Variants in SUSD1 observed in about 807,000 individuals in gnomAD.
The protein encoded by SUSD1 is sushi domain containing 1.
SUSD1 carries 65 observed loss-of-function variants against 86.9 expected under a neutral mutation model. That is an observed-to-expected ratio of 0.75 (90% confidence interval 0.61 to 0.92). The LOEUF is 0.92. Among genes scored for constraint, SUSD1 ranks in the 40% least tolerant of loss-of-function variants. SUSD1 has a pLI of 0.00. For synonymous variants in SUSD1, 346 were observed against 350.0 expected (o/e 0.99, Z 0.13); for missense variants, 850 against 929.7 (o/e 0.91, Z 1.11).
chr9:112,042,722 T>A (rs1305326465), intron 15 of SUSD1, among the ~76,000 whole-genome samples: 1 of 152,194 alleles, frequency 6.6e-6, no homozygotes, highest in Non-Finnish European at 1.5e-5. Context: ...TCACAAATAT[T>A]CACTCATTTA....
chr9:112,155,485 C>T (rs1357821441), intron 2 of SUSD1, among the ~76,000 whole-genome samples: 1 of 152,150 alleles, frequency 6.6e-6, no homozygotes, highest in Non-Finnish European at 1.5e-5. Flanking sequence ...TCAAAGAAGG[C>T]TTCACTCCAG....
chr9:112,096,011 C>T (rs967797116), intron 10 of SUSD1, among the ~76,000 whole-genome samples: 8 of 152,158 alleles, frequency 5.3e-5, no homozygotes, highest in African/African-American at 1.9e-4. Flanking sequence ...AAGGAGAGTA[C>T]AGTGTCAAAA....
chr9:112,074,863 C>T (rs942449799), intron 12 of SUSD1, among the ~76,000 whole-genome samples: 6 of 149,562 alleles, frequency 4.0e-5, no homozygotes, highest in Non-Finnish European at 7.4e-5. Flanking sequence ...TTTAAAATTA[C>T]GAGTCCTTTA....
chr9:112,143,543 A>T lies in SUSD1; in HGVS notation c.454T>A (p.Cys152Ser). The T allele has an allele frequency of 6.2e-7, 1 of 1,614,198 alleles. No homozygotes were observed. Among genetic ancestry groups the T allele is most frequent in the Non-Finnish European group, 8.5e-7 (1 of 1,180,038 alleles). ...VNTHGSFECY[C>S]MDGYLPRNGP... The stretch of plus-strand genomic sequence containing the variant: ...TTCCTTGGCAAGTATCCATCCATAC[A>T]GTAGCATTCAAAGCTCCCATGAGTG... Residue 152 changes from cysteine (C) to serine (S), a missense_variant, in exon 4 of 17, where the codon TGT becomes AGT. Coordinates refer to ENST00000374270, the MANE Select transcript of SUSD1 (RefSeq NM_022486.5).
In SUSD1 at chr9:112,040,854, A is replaced by G. The variant is rs1202728005; in HGVS notation, c.*638T>C. ...ATATAGGACAATAGAAATTGCATCA[A>G]AGCAATGCTGCCTAACAGACACAGC... On this transcript the variant is annotated 3_prime_UTR_variant, in exon 17 of 17. Coordinates refer to ENST00000374270, the MANE Select transcript of SUSD1 (RefSeq NM_022486.5). 6.6e-6 allele frequency: 1 copy of G among 152,584 alleles called. No individual in the cohort carries two copies. The highest frequency in any genetic ancestry group is 1.5e-5 in the Non-Finnish European group (1 of 68,308). The allele number at this position is 152,584 out of a possible 1,614,324, so 9.5% of individuals were successfully genotyped here. A position where few individuals can be genotyped will look rare whatever the true frequency, so the allele number is the denominator to read the frequency against.
chr9:112,078,420 C>T, intron 12 of SUSD1, 118 bp downstream of exon 12: 2 of 977,784 alleles, frequency 2.0e-6, no homozygotes, highest in South Asian at 1.9e-5. Context: ...GTCCTTCCTC[C>T]TCTCCCTGTT....
At chr9:112,098,730 G>T in intron 9 of SUSD1, 68 bp from the exon 10 acceptor site, 1 of 1,433,258 alleles carries the variant, frequency 7.0e-7, no homozygotes, top group Non-Finnish European at 9.7e-7. Flanking sequence ...TAGACTATTA[G>T]CAAAATGGAG....
intron 2 of SUSD1, among the ~76,000 whole-genome samples, chr9:112,156,095 A>G (rs1833297912): frequency 6.6e-6 from 1 of 151,704 alleles, no homozygotes; most frequent in Non-Finnish European, 1.5e-5. Flanking sequence ...GCAGTGAGCT[A>G]TGATCATGCC....
At chr9:112,064,799 C>T (rs775777256) in intron 12 of SUSD1, among the ~76,000 whole-genome samples, 9 of 150,238 alleles carry the variant, frequency 6.0e-5, no homozygotes, top group Admixed American at 3.3e-4. Context: ...TCGCTTGAAC[C>T]GGGCAGGCAG....
intron 14 of SUSD1, among the ~76,000 whole-genome samples, chr9:112,056,446 A>C (rs1367977553): frequency 6.6e-6 from 1 of 152,246 alleles, no homozygotes; most frequent in Non-Finnish European, 1.5e-5. Flanking sequence ...TGGTTAAGAC[A>C]GTAAATTTTA....
At chr9:112,041,680 G>A (rs1459598565) in intron 16 of SUSD1, among the ~76,000 whole-genome samples, 187 bp downstream of exon 16, 1 of 152,252 alleles carries the variant, frequency 6.6e-6, no homozygotes, top group Middle Eastern at 3.4e-3. Context: ...TCCTGGGAAG[G>A]CATCCCCCAT....
rs553699699 is a variant in SUSD1 at position 112,100,816 on chromosome 9, A to T, written c.1281+1360T>A. On this transcript the variant is annotated intron_variant, in intron 9 of 16. Transcript: ENST00000374270. ...CACTGTACTCCAGCCTGGACGACAG[A>T]GCAAGACTCCATCTCAAAAAAAACA... Among the ~76,000 whole-genome samples, 4 of 150,618 alleles carry T rather than the reference A, an allele frequency of 2.7e-5. No individual in the cohort carries two copies. The South Asian group carries it at 8.4e-4, about 32-fold the overall frequency.
intron 7 of SUSD1, 55 bp from the exon 8 acceptor site, chr9:112,111,895 G>T (rs1831116782): frequency 6.4e-7 from 1 of 1,569,018 alleles, no homozygotes; most frequent in Non-Finnish European, 8.7e-7. Flanking sequence ...AACAATCCAG[G>T]ATTTGTGGTG....
chr9:112,138,210 T>C, intron 5 of SUSD1, among the ~76,000 whole-genome samples: 1 of 134,456 alleles, frequency 7.4e-6, no homozygotes, highest in African/African-American at 2.8e-5. Context: ...GGCAACACAG[T>C]GAGACTCCAT....
At chr9:112,087,634 T>C (rs1830039390) in intron 10 of SUSD1, among the ~76,000 whole-genome samples, 1 of 151,924 alleles carries the variant, frequency 6.6e-6, no homozygotes, top group African/African-American at 2.4e-5. Context: ...GTAGATTGAA[T>C]AAAAGGCATT....
chr9:112,086,542 G>GA (rs1829987583), intron 10 of SUSD1, among the ~76,000 whole-genome samples: 1 of 122,486 alleles, frequency 8.2e-6, no homozygotes, highest in African/African-American at 3.3e-5. Flanking sequence ...GAGAAAAAAA[G>GA]AAAGAAAGAA....
chr9:112,042,159 G>A (rs1175567623), intron 15 of SUSD1, 199 bp from the exon 16 acceptor site: 6 of 1,537,658 alleles, frequency 3.9e-6, no homozygotes, highest in Non-Finnish European at 5.2e-6. Flanking sequence ...ACAGTTACAA[G>A]GTATTTCTGA....
At chr9:112,099,183 C>T (rs12377671) in intron 9 of SUSD1, among the ~76,000 whole-genome samples, 1,650 of 152,196 alleles carry the variant, frequency 0.011, 11 homozygotes, top group Middle Eastern at 0.027. Context: ...GTTGGAACTA[C>T]AGGCATGCAC....
chr9:112,072,157 GT>G (rs1320734708), intron 12 of SUSD1, among the ~76,000 whole-genome samples: 4 of 60,820 alleles, frequency 6.6e-5, no homozygotes, highest in African/African-American at 1.1e-4. Flanking sequence ...TTTTTTTTTT[GT>G]TTTTTTTTTT....
Sources: allele counts gnomAD v4.1 joint callset (sites outside exome capture counted in the v4.1 genomes callset), GRCh38; gene constraint gnomAD v4.1.1; transcripts MANE v1.5; gene names NCBI Gene and HGNC (gene_info 2026-07-23, HGNC 2026-07-21).